WDR70: variants seen among roughly 807,000 people sequenced by gnomAD.
WDR70 encodes WD repeat domain 70.
WDR70 carries 53 observed loss-of-function variants against 88.6 expected under a neutral mutation model. The observed-to-expected ratio is 0.60, with a 90% CI of 0.48 to 0.75. The LOEUF (loss-of-function observed/expected upper bound fraction) is 0.75. WDR70 is among the 30% of genes least tolerant of loss of function. WDR70 has a pLI of 0.00. For missense variants in WDR70, 610 were observed against 823.2 expected (o/e 0.74, Z 3.17); for synonymous variants, 280 against 270.0 (o/e 1.04, Z -0.36).
chr5:37,594,973 T>A (rs1743658246), intron 9 of WDR70, among the ~76,000 whole-genome samples: 1 of 152,196 alleles, frequency 6.6e-6, no homozygotes, highest in Non-Finnish European at 1.5e-5. Flanking sequence ...ATGCTTGTGA[T>A]TTTTGCACAT....
intron 7 of WDR70, among the ~76,000 whole-genome samples, chr5:37,466,750 G>C (rs75967979): frequency 7.0e-6 from 1 of 143,828 alleles, no homozygotes; most frequent in African/African-American, 2.6e-5. Context: ...AAGTTCTTTA[G>C]TTGCACTAGC....
chr5:37,596,768 A>G (rs1338248876), intron 9 of WDR70, among the ~76,000 whole-genome samples: 4 of 152,162 alleles, frequency 2.6e-5, no homozygotes, highest in African/African-American at 9.7e-5. Flanking sequence ...AACATACTTA[A>G]AGTTTGCCTT....
In WDR70 at chr5:37,519,837, T is replaced by C. The variant is rs909916060; in HGVS notation, c.917+3247T>C. 5.9e-5 allele frequency among the ~76,000 whole-genome samples: 9 copies of C among 152,262 alleles called. No homozygotes were observed. The South Asian group carries it at 6.2e-4, about 10-fold the overall frequency. ...ATATGGTAGCTCTATTTTTAGGTTTTTGAGGACCCTCCAAACTGTTCTTCA... is the reference window on the plus strand; with the variant it reads ...ATATGGTAGCTCTATTTTTAGGTTTCTGAGGACCCTCCAAACTGTTCTTCA... On this transcript the variant is annotated intron_variant, in intron 9 of 17. Transcript: ENST00000265107.
At chr5:37,523,835 A>G (rs1474525031) in intron 9 of WDR70, among the ~76,000 whole-genome samples, 1 of 152,256 alleles carries the variant, frequency 6.6e-6, no homozygotes, top group Non-Finnish European at 1.5e-5. Flanking sequence ...CGACGCATGC[A>G]CAAGCTTCAA....
chr5:37,601,847 A>G (rs977215389), intron 9 of WDR70, among the ~76,000 whole-genome samples: 2 of 152,184 alleles, frequency 1.3e-5, no homozygotes, highest in African/African-American at 4.8e-5. Flanking sequence ...TAGACTGGAT[A>G]AAGAAAATGT....
Position 37,619,998 on chromosome 5 carries a change from G to A in WDR70, c.1092+14760G>A, listed in dbSNP as rs1744461469. 2.8e-5 allele frequency: 4 copies of A among 142,346 alleles called. No homozygotes were observed. The South Asian group carries it at 9.0e-4, about 32-fold the overall frequency. 8.8% of individuals were successfully genotyped at this position (142,346 alleles called of 1,614,324 possible). A position where few individuals can be genotyped will look rare whatever the true frequency, so the allele number is the denominator to read the frequency against. ...CAAAACTGTCTTAAAAATGTGGAAT[G>A]CTTCACAAATTTGCATGTCATTCTT... On this transcript the variant is annotated intron_variant, in intron 10 of 17. Transcript: ENST00000265107.
Position 37,524,428 on chromosome 5 carries a change from G to A in WDR70, c.917+7838G>A, listed in dbSNP as rs1448355180. On this transcript the variant is annotated intron_variant, in intron 9 of 17. Transcript: ENST00000265107. ...TAAAATCCTTTACAGACAAGCAAAT[G>A]CTGAGAGATTTTGTCACCACCAGGC... is the stretch of plus-strand genomic sequence containing the variant. Among the ~76,000 whole-genome samples, 5 of 152,130 alleles carry A rather than the reference G, an allele frequency of 3.3e-5. No homozygotes were observed. In the East Asian group the frequency reaches 5.8e-4, roughly 18 times the overall value.
intron 3 of WDR70, among the ~76,000 whole-genome samples, chr5:37,389,433 C>T (rs1215979050): frequency 3.3e-5 from 5 of 149,420 alleles, no homozygotes; most frequent in East Asian, 2.0e-4. Context: ...TTTTTTGAGA[C>T]GGAGTCTTGC....
chr5:37,471,740 G>A (rs1352820933), intron 7 of WDR70, among the ~76,000 whole-genome samples: 1 of 151,760 alleles, frequency 6.6e-6, no homozygotes, highest in African/African-American at 2.4e-5. Context: ...ACTTTTAAAA[G>A]TTAATAATTA....
At chr5:37,557,867 A>G (rs1404357342) in intron 9 of WDR70, among the ~76,000 whole-genome samples, 2 of 6,072 alleles carry the variant, frequency 3.3e-4, no homozygotes, top group African/African-American at 1.4e-3. Flanking sequence ...TTTGTATTGT[A>G]TGAGCATCTA....
At chr5:37,695,364 C>T (rs1746951024) in intron 10 of WDR70, among the ~76,000 whole-genome samples, 1 of 152,144 alleles carries the variant, frequency 6.6e-6, no homozygotes, top group South Asian at 2.1e-4. Context: ...AGATCCAAAC[C>T]ATATCCCATG....
chr5:37,514,022 T>C lies in WDR70; in HGVS notation c.841-2492T>C, dbSNP rs545540652. ...TTTTAATTTAATTAAATTGATCAGTTTATTTATTTTGAGATGGTGTCTGAC... is the reference window on the plus strand; with the variant it reads ...TTTTAATTTAATTAAATTGATCAGTCTATTTATTTTGAGATGGTGTCTGAC... On this transcript the variant is annotated intron_variant, in intron 8 of 17. Coordinates refer to ENST00000265107, the MANE Select transcript of WDR70 (RefSeq NM_018034.4). Among the ~76,000 whole-genome samples, 6 of 152,006 alleles carry C rather than the reference T, an allele frequency of 3.9e-5. No individual in the cohort carries two copies. In the East Asian group the frequency reaches 1.2e-3, roughly 29 times the overall value.
At chr5:37,666,229 A>C (rs1017697027) in intron 10 of WDR70, among the ~76,000 whole-genome samples, 1 of 152,194 alleles carries the variant, frequency 6.6e-6, no homozygotes, top group Non-Finnish European at 1.5e-5. Context: ...TTGTGTTCAC[A>C]CTTGTGTTTC....
chr5:37,596,969 G>A (rs1743720791), intron 9 of WDR70, among the ~76,000 whole-genome samples: 1 of 152,102 alleles, frequency 6.6e-6, no homozygotes, highest in African/African-American at 2.4e-5. Context: ...ATCGTGTGTA[G>A]TCTTTTGAGT....
intron 10 of WDR70, among the ~76,000 whole-genome samples, chr5:37,659,770 GCT>G (rs1175370999): frequency 3.3e-5 from 5 of 152,048 alleles, no homozygotes; most frequent in Non-Finnish European, 5.9e-5. Context: ...GGAGGGACAG[GCT>G]CTGTCTTCCT....
chr5:37,701,077 A>G lies in WDR70; in HGVS notation c.1212A>G (p.Leu404=), dbSNP rs1475669442. The change falls in exon 12 of 18, where the codon TTA becomes TTG. Residue 404 remains leucine, a synonymous_variant. Transcript: ENST00000265107. ...TGTCAGGTGACGATTCATTAAAATT[A>G]TGGGACATCCGACAATTTAATAAAC... ...ASRGGDDSLK[L]WDIRQFNKPL... is the part of the protein sequence containing the mutation. 1 of 1,611,732 alleles carries G rather than the reference A, an allele frequency of 6.2e-7. No homozygotes were observed. The highest frequency in any genetic ancestry group is 1.1e-5 in the South Asian group (1 of 91,040).
At chr5:37,612,580 C>G (rs1744219868) in intron 10 of WDR70, among the ~76,000 whole-genome samples, 1 of 152,118 alleles carries the variant, frequency 6.6e-6, no homozygotes, top group South Asian at 2.1e-4. Context: ...TTCTTTTTAA[C>G]TCCTAGGGTA....
At chr5:37,570,809 C>T (rs987139936) in intron 9 of WDR70, among the ~76,000 whole-genome samples, 1 of 152,150 alleles carries the variant, frequency 6.6e-6, no homozygotes, top group African/African-American at 2.4e-5. Context: ...TGTTCTTTAC[C>T]CATTTTTGTA....
At chr5:37,451,056 G>A (rs1381380281) in intron 7 of WDR70, among the ~76,000 whole-genome samples, 8 of 151,390 alleles carry the variant, frequency 5.3e-5, no homozygotes, top group Admixed American at 2.6e-4. Flanking sequence ...GTGCCACCAC[G>A]TCTGGCTAAT....
Sources: allele counts gnomAD v4.1 joint callset (sites outside exome capture counted in the v4.1 genomes callset), GRCh38; gene constraint gnomAD v4.1.1; transcripts MANE v1.5; gene names NCBI Gene and HGNC (gene_info 2026-07-23, HGNC 2026-07-21).